DGKG: variants seen among roughly 807,000 people sequenced by gnomAD.
The protein encoded by DGKG is DAG kinase gamma.
In DGKG, 78 loss-of-function variants were observed where a neutral mutation model predicts 105.3. The ratio of observed to expected loss-of-function variants is 0.74; its 90% CI spans 0.62 to 0.89. The LOEUF (loss-of-function observed/expected upper bound fraction) is 0.89. Ranked by LOEUF, DGKG falls within the 40% of genes least tolerant of loss-of-function variation. The pLI is 0.00. For missense variants in DGKG, 958 were observed against 1,020.1 expected, an observed-to-expected ratio of 0.94 and a Z score of 0.83; for synonymous variants, 346 against 367.1, an observed-to-expected ratio of 0.94 and a Z score of 0.66.
intron 20 of DGKG, among the ~76,000 whole-genome samples, chr3:186,237,193 C>T (rs972821193): frequency 1.3e-5 from 2 of 152,184 alleles, no homozygotes; most frequent in Non-Finnish European, 2.9e-5. Context: ...ATTGCAAACA[C>T]CCTACTCTGT....
At chr3:186,165,856 T>A (rs1419728172) in intron 22 of DGKG, among the ~76,000 whole-genome samples, 1 of 152,254 alleles carries the variant, frequency 6.6e-6, no homozygotes, top group Non-Finnish European at 1.5e-5. Context: ...AACTTTCATT[T>A]ATTTAAAACA....
At chr3:186,294,812 GGACTA>G (rs1387356688) in intron 5 of DGKG, among the ~76,000 whole-genome samples, 1 of 152,164 alleles carries the variant, frequency 6.6e-6, no homozygotes, top group Non-Finnish European at 1.5e-5. Flanking sequence ...AAGGGGCTAT[GGACTA>G]GCATGGCTGA....
At chr3:186,239,518 C>G (rs1720573523) in intron 20 of DGKG, among the ~76,000 whole-genome samples, 1 of 152,184 alleles carries the variant, frequency 6.6e-6, no homozygotes. Context: ...AATAAGGAAG[C>G]CTGAAGAAAA....
chr3:186,217,350 T>C (rs1045197522), intron 20 of DGKG, among the ~76,000 whole-genome samples: 3 of 152,142 alleles, frequency 2.0e-5, no homozygotes, highest in African/African-American at 7.2e-5. Flanking sequence ...GATTTCCAGT[T>C]CCATGAAACT....
chr3:186,316,651 G>C (rs1724832683), intron 2 of DGKG, among the ~76,000 whole-genome samples: 1 of 152,126 alleles, frequency 6.6e-6, no homozygotes, highest in African/African-American at 2.4e-5. Flanking sequence ...TAAGTTACTT[G>C]TCTCCAAGAG....
At chr3:186,298,334 G>C in intron 3 of DGKG, 105 bp from the exon 4 acceptor site, 2 of 1,130,730 alleles carry the variant, frequency 1.8e-6, no homozygotes, top group Non-Finnish European at 2.5e-6. Flanking sequence ...GGAATGGAAA[G>C]GGAGGCAGTA....
intron 1 of DGKG, among the ~76,000 whole-genome samples, chr3:186,339,589 A>G (rs749257087): frequency 6.6e-6 from 1 of 152,230 alleles, no homozygotes; most frequent in East Asian, 1.9e-4. Context: ...CAAACTAATT[A>G]GGAATGTGCT....
At chr3:186,234,144 T>A (rs190507943) in intron 20 of DGKG, among the ~76,000 whole-genome samples, 46 of 152,364 alleles carry the variant, frequency 3.0e-4, no homozygotes, top group African/African-American at 1.0e-3. Flanking sequence ...ACCTTTTCAT[T>A]GATTAATTGT....
chr3:186,352,628 G>C (rs1253441459), intron 1 of DGKG, among the ~76,000 whole-genome samples: 1 of 152,142 alleles, frequency 6.6e-6, no homozygotes, highest in Non-Finnish European at 1.5e-5. Flanking sequence ...ATCTTCCCAG[G>C]TGTAGGAGCC....
chr3:186,244,539 G>C (rs1578717330), intron 19 of DGKG, among the ~76,000 whole-genome samples: 1 of 151,746 alleles, frequency 6.6e-6, no homozygotes, highest in African/African-American at 2.4e-5. Context: ...TGAGTAGCTG[G>C]GATTACAGGC....
At chr3:186,331,817 A>T (rs1373449353) in intron 1 of DGKG, among the ~76,000 whole-genome samples, 1 of 152,240 alleles carries the variant, frequency 6.6e-6, no homozygotes, top group African/African-American at 2.4e-5. Flanking sequence ...TGTAATAACA[A>T]GCAATAGCAG....
chr3:186,338,774 T>C (rs1725951230), intron 1 of DGKG, among the ~76,000 whole-genome samples: 1 of 152,206 alleles, frequency 6.6e-6, no homozygotes, highest in South Asian at 2.1e-4. Flanking sequence ...CACAACTCAA[T>C]CTTTTCAAAG....
intron 12 of DGKG, among the ~76,000 whole-genome samples, chr3:186,268,223 G>A (rs971465789): frequency 1.3e-5 from 2 of 152,178 alleles, no homozygotes; most frequent in Non-Finnish European, 2.9e-5. Context: ...CCTACATTTT[G>A]AGGCTGATAC....
chr3:186,331,611 C>G (rs1221242252), intron 1 of DGKG, among the ~76,000 whole-genome samples: 1 of 152,106 alleles, frequency 6.6e-6, no homozygotes, highest in Non-Finnish European at 1.5e-5. Flanking sequence ...ACCAAATGCC[C>G]AGGTGGGGGA....
At position 186,265,270 on chromosome 3, in the gene DGKG, C is replaced by A. The variant is rs531767196; in HGVS notation, c.1246G>T (p.Ala416Ser). 5 of 1,614,174 alleles carry A rather than the reference C, an allele frequency of 3.1e-6. No individual in the cohort carries two copies. The South Asian group carries it at 3.3e-5, about 11-fold the overall frequency. ...ACCTGCATGACAAGTTCGCCCTTGG[C>A]GGACACGCAGCCATCAGACTTCTCA... ...PGEKSDGCVS[A>S]KGELVMQYKI... is the part of the protein sequence containing the mutation. Residue 416 changes from alanine to serine, a missense_variant, in exon 14 of 25, where the codon GCC becomes TCC. Around this residue, in one of 2 missense-constraint regions of DGKG, gnomAD observed 643 missense variants for 619.5 expected, o/e 1.04. Transcript: ENST00000265022.
chr3:186,168,423 G>A (rs1379885504), intron 22 of DGKG, among the ~76,000 whole-genome samples: 1 of 152,214 alleles, frequency 6.6e-6, no homozygotes, highest in African/African-American at 2.4e-5. Flanking sequence ...AAAGGAGAAT[G>A]TGGAGGCAAG....
At chr3:186,267,019 G>A (rs1722086369) in intron 13 of DGKG, among the ~76,000 whole-genome samples, 1 of 152,174 alleles carries the variant, frequency 6.6e-6, no homozygotes, top group Non-Finnish European at 1.5e-5. Context: ...TTTGACGCTT[G>A]TTTGAAAGAG....
intron 19 of DGKG, among the ~76,000 whole-genome samples, chr3:186,251,475 C>A (rs1721223414): frequency 6.6e-6 from 1 of 152,176 alleles, no homozygotes; most frequent in South Asian, 2.1e-4. Flanking sequence ...CTACAAATTG[C>A]AGAAGGAGAA....
At chr3:186,269,475 G>A (rs1021475356) in intron 11 of DGKG, among the ~76,000 whole-genome samples, 1 of 152,206 alleles carries the variant, frequency 6.6e-6, no homozygotes, top group African/African-American at 2.4e-5. Context: ...GGGCCTCCCT[G>A]GTGCAGTCCT....
Sources: allele counts gnomAD v4.1 joint callset (sites outside exome capture counted in the v4.1 genomes callset), GRCh38; gene constraint gnomAD v4.1.1; regional missense constraint gnomAD v4.1.1; transcripts MANE v1.5; gene names NCBI Gene and HGNC (gene_info 2026-07-23, HGNC 2026-07-21).